Variants in ERBB3 observed in about 807,000 individuals in gnomAD.
The protein encoded by ERBB3 is erb-b2 receptor tyrosine kinase 3.
ERBB3 carries 96 observed loss-of-function variants against 156.7 expected under a neutral mutation model. The observed-to-expected ratio is 0.61, with a 90% CI of 0.52 to 0.73. The LOEUF is 0.73. ERBB3 is among the 30% of genes least tolerant of loss of function. The pLI is 0.00. For synonymous variants in ERBB3, 567 were observed against 632.0 expected (o/e 0.90, Z 1.54); for missense variants, 1,406 against 1,709.4 (o/e 0.82, Z 3.13).
chr12:56,097,876 C>A lies in ERBB3; in HGVS notation c.2552C>A (p.Ala851Glu), dbSNP rs781394944. Residue 851 changes from alanine (A) to glutamate (E), a missense_variant, in exon 21 of 28, where the codon GCA (alanine) becomes GAA (glutamate). Ala to Glu is a moderately radical substitution (Grantham distance 107). Transcript: ENST00000267101. ...AAGTCACCCAGTCAGGTTCAGGTGG[C>A]AGATTTTGGTGTGGCTGACCTGCTG... The part of the protein sequence containing the change: ...LLKSPSQVQV[A>E]DFGVADLLPP... 1 of 1,614,010 alleles carries A rather than the reference C, an allele frequency of 6.2e-7. No homozygotes were observed. The highest frequency in any genetic ancestry group is 2.2e-5 in the East Asian group (1 of 44,888).
intron 15 of ERBB3, 112 bp downstream of exon 15, chr12:56,094,668 C>A: frequency 7.5e-7 from 1 of 1,326,582 alleles, no homozygotes; most frequent in Non-Finnish European, 1.0e-6. Flanking sequence ...TCACTCCCAG[C>A]TGGCCGGGCG....
At chr12:56,095,449 C>G in intron 16 of ERBB3, 139 bp downstream of exon 16, 2 of 901,934 alleles carry the variant, frequency 2.2e-6, no homozygotes, top group South Asian at 2.9e-5. Flanking sequence ...ACTTGGGACT[C>G]AAGAATGCAG....
rs913518429 is a variant in ERBB3, at chr12:56,093,548, G to A, written c.1478G>A (p.Cys493Tyr). Residue 493 changes from cysteine to tyrosine, a missense_variant and splice_region_variant, in exon 12 of 28, where the codon TGC (cysteine) becomes TAC (tyrosine). Physicochemically the swap from Cys to Tyr is radical, Grantham distance 194 (BLOSUM62 -2). This residue lies in a region of ERBB3 where 979 missense variants were observed against 1,219.6 expected (regional missense o/e 0.80). Coordinates refer to ENST00000267101, the MANE Select transcript of ERBB3 (RefSeq NM_001982.4). ...AAGCATAATCGGCCGCGCAGAGACTGCGGTGAGGGAAAGGGTCTGCTAGGT... is the reference window on the plus strand; with the variant it reads ...AAGCATAATCGGCCGCGCAGAGACTACGGTGAGGGAAAGGGTCTGCTAGGT... ...DIKHNRPRRD[C>Y]VAEGKVCDPL... 2 of 1,610,418 alleles carry A rather than the reference G, an allele frequency of 1.2e-6. No homozygotes were observed. The highest frequency in any genetic ancestry group is 2.7e-5 in the African/African-American group (2 of 74,820).
At position 56,084,986 on chromosome 12, in the gene ERBB3, C is replaced by A. The variant is rs2136787680; in HGVS notation, c.235-9C>A. On this transcript the variant is annotated splice_polypyrimidine_tract_variant and intron_variant, in intron 2 of 27. Transcript: ENST00000267101. ...GTCTCTCTCATTTACATAATCTGCT[C>A]TGTCACAGTGGATTCGAGAAGTGAC... The A allele has an allele frequency of 1.2e-6, 2 of 1,613,972 alleles. No individual in the cohort carries two copies. Among genetic ancestry groups the A allele is most frequent in the South Asian group, 1.1e-5 (1 of 91,074 alleles).
In ERBB3 at chr12:56,102,103, C is replaced by T; in HGVS notation, c.*48C>T. 1 of 1,536,484 alleles carries T rather than the reference C, an allele frequency of 6.5e-7. No homozygotes were observed. Among genetic ancestry groups the T allele is most frequent in the Non-Finnish European group, 8.9e-7 (1 of 1,121,546 alleles). On this transcript the variant is annotated 3_prime_UTR_variant, in exon 28 of 28. Coordinates refer to ENST00000267101, the MANE Select transcript of ERBB3 (RefSeq NM_001982.4). ...GGGAGCATTTAATGGCAGCTAGTGCCTTTAGAGGGTACCGTCTTCTCCCTA... is the reference window on the plus strand; with the variant it reads ...GGGAGCATTTAATGGCAGCTAGTGCTTTTAGAGGGTACCGTCTTCTCCCTA...
chr12:56,080,865 T>C (rs1868346042), intron 1 of ERBB3, among the ~76,000 whole-genome samples: 1 of 152,120 alleles, frequency 6.6e-6, no homozygotes, highest in African/African-American at 2.4e-5. Context: ...TGTTGTTCTC[T>C]GGTGTTGGAA....
Position 56,094,186 on chromosome 12 carries a change from C to T in ERBB3, c.1701C>T (p.Gly567=), listed in dbSNP as rs1225521533. The T allele has an allele frequency of 6.2e-7, 1 of 1,612,304 alleles. No individual in the cohort carries two copies. The highest frequency in any genetic ancestry group is 8.5e-7 in the Non-Finnish European group (1 of 1,178,480). Reference sequence around the variant, plus strand: ...TGGAGGGCACTGCCACATGCAATGGCTCGGTATACTAGTAGCACCAGGATC... The same window carrying T: ...TGGAGGGCACTGCCACATGCAATGGTTCGGTATACTAGTAGCACCAGGATC... ...QPMEGTATCN[G]SGSDTCAQCA... is the part of the protein sequence containing the mutation. The change falls in exon 14 of 28, where the codon GGC becomes GGT. Residue 567 remains glycine (G), a synonymous_variant. Coordinates refer to ENST00000267101, the MANE Select transcript of ERBB3 (RefSeq NM_001982.4).
At chr12:56,084,934 A>T in intron 2 of ERBB3, 61 bp from the exon 3 acceptor site, 1 of 1,611,658 alleles carries the variant, frequency 6.2e-7, no homozygotes, top group Non-Finnish European at 8.5e-7. Context: ...GAAGGAGGAG[A>T]GGAGATTGAG....
At chr12:56,091,692 T>A (rs570086942) in intron 9 of ERBB3, among the ~76,000 whole-genome samples, 2 of 152,158 alleles carry the variant, frequency 1.3e-5, no homozygotes, top group East Asian at 3.9e-4. Context: ...ATTGAGGATG[T>A]ACGTGATGTT....
intron 10 of ERBB3, 35 bp downstream of exon 10, chr12:56,092,855 T>G: frequency 6.3e-7 from 1 of 1,590,050 alleles, no homozygotes; most frequent in Non-Finnish European, 8.6e-7. Flanking sequence ...TCTAGAAGAA[T>G]AGGTGAACCA....
intron 21 of ERBB3, 48 bp downstream of exon 21, chr12:56,097,988 G>A: frequency 6.3e-7 from 1 of 1,596,162 alleles, no homozygotes; most frequent in Non-Finnish European, 8.6e-7. Context: ...TGAAGCATGG[G>A]GATAGGGAGC....
rs901274499 is a variant in ERBB3 at position 56,099,097 on chromosome 12, TA to T, written c.2839+193del. On this transcript the variant is annotated intron_variant, in intron 23 of 27. Coordinates refer to ENST00000267101, the MANE Select transcript of ERBB3 (RefSeq NM_001982.4). ...CTTCAGCCTCCGGAGTAGCTGGGAT[TA>T]CAGGCGCCCGCCACACCTGGATAAC... is the stretch of plus-strand genomic sequence containing the variant. 6 of 611,784 alleles carry T rather than the reference TA, an allele frequency of 9.8e-6. No individual in the cohort carries two copies. In the Admixed American group the frequency reaches 1.7e-4, roughly 18 times the overall value. The allele number at this position is 611,784 out of a possible 1,614,324, so 37.9% of individuals were successfully genotyped here. A position where few individuals can be genotyped will look rare whatever the true frequency, so the allele number is the denominator to read the frequency against.
intron 15 of ERBB3, among the ~76,000 whole-genome samples, chr12:56,094,969 C>A (rs549011194): frequency 6.6e-6 from 1 of 150,426 alleles, no homozygotes; most frequent in African/African-American, 2.4e-5. Context: ...AAAAAAGAAT[C>A]ACTCCCAGCT....
At chr12:56,094,778 CCT>C (rs1339432128) in intron 15 of ERBB3, among the ~76,000 whole-genome samples, 2 of 152,056 alleles carry the variant, frequency 1.3e-5, no homozygotes, top group African/African-American at 4.8e-5. Context: ...ATGGAGAAAC[CCT>C]GTCTCTACCA....
chr12:56,088,031 A>T lies in ERBB3; in HGVS notation c.743A>T (p.His248Leu), dbSNP rs1868546417. ...PQDTDCFACR[H>L]FNDSGACVPR... The stretch of plus-strand genomic sequence containing the variant: ...CTCCTTTTTTCCCAGGCCTGCCGGC[A>T]CTTCAATGACAGTGGAGCCTGTGTA... Residue 248 changes from histidine (H) to leucine (L), a missense_variant, in exon 7 of 28, where the codon CAC (histidine) becomes CTC (leucine). Physicochemically the swap from His to Leu is moderately conservative, Grantham distance 99 (BLOSUM62 -3). Coordinates refer to ENST00000267101, the MANE Select transcript of ERBB3 (RefSeq NM_001982.4). The T allele has an allele frequency of 1.9e-6, 3 of 1,614,130 alleles. No individual in the cohort carries two copies. Among genetic ancestry groups the T allele is most frequent in the Non-Finnish European group, 2.5e-6 (3 of 1,180,022 alleles).
At position 56,099,029 on chromosome 12, in the gene ERBB3, G is replaced by A. The variant is rs931470319; in HGVS notation, c.2839+124G>A. ...GAGTGCAATGGTGCAATCAATCTTGGCTCACTACAACCTCCGCCTCTCGGG... is the reference window on the plus strand; with the variant it reads ...GAGTGCAATGGTGCAATCAATCTTGACTCACTACAACCTCCGCCTCTCGGG... On this transcript the variant is annotated intron_variant, in intron 23 of 27. Coordinates refer to ENST00000267101, the MANE Select transcript of ERBB3 (RefSeq NM_001982.4). 1.0e-5 allele frequency: 9 copies of A among 903,878 alleles called. No homozygotes were observed. The African/African-American group carries it at 1.4e-4, about 14-fold the overall frequency. 56.0% of individuals were successfully genotyped at this position (903,878 alleles called of 1,614,324 possible).
Position 56,086,618 on chromosome 12 carries a change from G to A in ERBB3, c.509G>A (p.Arg170Gln), listed in dbSNP as rs200978269. ...TIDWRDIVRDRDAEIVVKDNG... is the reference protein window; with the variant it reads ...TIDWRDIVRDQDAEIVVKDNG... ...GACTGGAGGGACATCGTGAGGGACC[G>A]AGATGCTGAGATAGTGGTGAAGGAC... Residue 170 changes from arginine to glutamine, a missense_variant, in exon 4 of 28, where the codon CGA becomes CAA. Physicochemically the swap from Arg to Gln is conservative, Grantham distance 43 (BLOSUM62 1). Around this residue, in one of 3 missense-constraint regions of ERBB3, gnomAD observed 979 missense variants for 1,219.6 expected, o/e 0.80. Transcript: ENST00000267101. The A allele has an allele frequency of 3.4e-5, 55 of 1,614,126 alleles. No homozygotes were observed. The highest frequency in any genetic ancestry group is 3.3e-4 in the Middle Eastern group (2 of 6,062).
At chr12:56,098,654 T>C in intron 22 of ERBB3, 79 bp downstream of exon 22, 1 of 1,576,542 alleles carries the variant, frequency 6.3e-7, no homozygotes. Flanking sequence ...TCTTAGAATC[T>C]CTAAGCACTT....
chr12:56,100,260 T>C lies in ERBB3; in HGVS notation c.3201+15T>C. On this transcript the variant is annotated intron_variant, in intron 26 of 27. Coordinates refer to ENST00000267101, the MANE Select transcript of ERBB3 (RefSeq NM_001982.4). ...AGTCTTGCCAGGTAAGTTCTGTTGC[T>C]GAGAGGCTGGGTTTTAGGATCAGAT... The C allele has an allele frequency of 6.2e-7, 1 of 1,603,000 alleles. No individual in the cohort carries two copies. The highest frequency in any genetic ancestry group is 1.7e-5 in the Admixed American group (1 of 60,000).
Sources: allele counts gnomAD v4.1 joint callset (sites outside exome capture counted in the v4.1 genomes callset), GRCh38; gene constraint gnomAD v4.1.1; regional missense constraint gnomAD v4.1.1; transcripts MANE v1.5; gene names NCBI Gene and HGNC (gene_info 2026-07-23, HGNC 2026-07-21).